Variants in LAD1 observed in about 807,000 individuals in gnomAD.
LAD1 encodes the protein ladinin 1.
In LAD1, 53 loss-of-function variants were observed where a neutral mutation model predicts 54.2. That is an observed-to-expected ratio of 0.98 (90% CI 0.78 to 1.23). The LOEUF (loss-of-function observed/expected upper bound fraction) is 1.23, where lower values mean the gene tolerates loss of function less well. Among genes scored for constraint, LAD1 ranks in the 50% most tolerant of loss-of-function variants. The probability of loss-of-function intolerance (pLI) is 0.00; values close to 1 mark genes in which losing one functional copy is unlikely to be tolerated. For synonymous variants in LAD1, 231 were observed against 257.7 expected (o/e 0.90, Z 0.99); for missense variants, 637 against 653.3 (o/e 0.98, Z 0.27).
intron 1 of LAD1, 85 bp from the exon 2 acceptor site, chr1:201,389,388 A>G: frequency 2.7e-6 from 4 of 1,498,860 alleles, no homozygotes; most frequent in Non-Finnish European, 3.6e-6. Flanking sequence ...GGGAGAAGAG[A>G]CCAAATGCCC....
chr1:201,394,506 C>T (rs1174692402), intron 1 of LAD1, among the ~76,000 whole-genome samples: 2 of 152,212 alleles, frequency 1.3e-5, no homozygotes, highest in Non-Finnish European at 2.9e-5. Context: ...GCCTTGGCCA[C>T]GGAACTTAAA....
In LAD1 at chr1:201,390,456, G is replaced by C. The variant is rs141698880; in HGVS notation, c.39-1153C>G. Among the ~76,000 whole-genome samples, 459 of 152,120 alleles carry C rather than the reference G, an allele frequency of 3.0e-3. 3 individuals carry two copies. The highest frequency in any genetic ancestry group is 9.8e-3 in the African/African-American group (406 of 41,512). ...GGAGGCTGAGGCCAGAGAATTGCTC[G>C]AACCTGGGAGGCAGAGGTTGCAGTG... On this transcript the variant is annotated intron_variant, in intron 1 of 9. Transcript: ENST00000391967.
At chr1:201,398,866 CA>C (rs1558275262) in intron 1 of LAD1, among the ~76,000 whole-genome samples, 1 of 152,212 alleles carries the variant, frequency 6.6e-6, no homozygotes, top group African/African-American at 2.4e-5. Context: ...GGACACCTCC[CA>C]GGGGTCCTCT....
rs1662149432 is a variant in LAD1, at chr1:201,389,140, A to G, written c.182+20T>C. ...AACCAGTCCATCCCCATCCATCAGG[A>G]TAGAAACCTGAGCACCTACCTCTCA... is the stretch of plus-strand genomic sequence containing the variant. On this transcript the variant is annotated intron_variant, in intron 2 of 9. Transcript: ENST00000391967. 4.3e-6 allele frequency: 7 copies of G among 1,611,458 alleles called. No homozygotes were observed. The highest frequency in any genetic ancestry group is 5.9e-6 in the Non-Finnish European group (7 of 1,178,036).
intron 2 of LAD1, among the ~76,000 whole-genome samples, chr1:201,388,820 A>T (rs1383022541): frequency 6.6e-6 from 1 of 152,236 alleles, no homozygotes; most frequent in East Asian, 1.9e-4. Flanking sequence ...TGACCTCAGC[A>T]AGTCACCTAA....
chr1:201,390,691 G>A (rs1018213944), intron 1 of LAD1, among the ~76,000 whole-genome samples: 5 of 152,278 alleles, frequency 3.3e-5, no homozygotes, highest in African/African-American at 9.6e-5. Context: ...TGGATCACAG[G>A]ACGTTTAGCA....
Position 201,381,473 on chromosome 1 carries a change from A to C in LAD1, c.*415T>G, listed in dbSNP as rs1038949372. 1 of 283,962 alleles carries C rather than the reference A, an allele frequency of 3.5e-6. No homozygotes were observed. The highest frequency in any genetic ancestry group is 2.3e-5 in the African/African-American group (1 of 43,766). 17.6% of individuals were successfully genotyped at this position (283,962 alleles called of 1,614,324 possible). ...GGTCCAGGCCTCAGAGAAGGGGGAC[A>C]TCATAGACAAAGAGGCACTTGCTGG... On this transcript the variant is annotated 3_prime_UTR_variant, in exon 10 of 10. Transcript: ENST00000391967.
At chr1:201,385,249 C>T (rs1417701350) in intron 4 of LAD1, among the ~76,000 whole-genome samples, 2 of 152,216 alleles carry the variant, frequency 1.3e-5, no homozygotes, top group African/African-American at 4.8e-5. Context: ...AGAATAAACA[C>T]CAGGACAAAG....
At chr1:201,398,406 C>T (rs1367882818) in intron 1 of LAD1, among the ~76,000 whole-genome samples, 5 of 152,194 alleles carry the variant, frequency 3.3e-5, no homozygotes, top group African/African-American at 1.2e-4. Flanking sequence ...CAGCTCTGGG[C>T]TACCGCAGGA....
intron 1 of LAD1, chr1:201,391,172 G>A (rs1250077122): frequency 2.2e-6 from 1 of 456,390 alleles, no homozygotes; most frequent in South Asian, 1.5e-5. Context: ...CGTGGAAAGA[G>A]TTGAGCCATG....
Position 201,382,709 on chromosome 1 carries a change from A to T in LAD1, c.1417T>A (p.Ser473Thr), listed in dbSNP as rs1661987479. 1 of 1,607,760 alleles carries T rather than the reference A, an allele frequency of 6.2e-7. No homozygotes were observed. The highest frequency in any genetic ancestry group is 1.1e-5 in the South Asian group (1 of 89,310). Residue 473 changes from serine (S) to threonine (T), a missense_variant, in exon 8 of 10, where the codon TCA (serine) becomes ACA (threonine). Ser to Thr is a moderately conservative substitution (Grantham distance 58). Transcript: ENST00000391967. ...CTGCTGATCCACAGGTTGAGCCTTG[A>T]TGTCACAACCCCTGAGAGCCTCAAG... The part of the protein sequence containing the change: ...ENLRLSGVVT[S>T]RLNLWISRTQ...
chr1:201,390,671 A>G (rs1662182327), intron 1 of LAD1, among the ~76,000 whole-genome samples: 1 of 152,214 alleles, frequency 6.6e-6, no homozygotes, highest in Admixed American at 6.5e-5. Context: ...TTGCGTGTCC[A>G]GGGCTGTCCT....
At chr1:201,392,747 CATG>C (rs1662217940) in intron 1 of LAD1, among the ~76,000 whole-genome samples, 1 of 151,724 alleles carries the variant, frequency 6.6e-6, no homozygotes, top group Non-Finnish European at 1.5e-5. Context: ...AGAAAAACAA[CATG>C]ATGGGATCGC....
chr1:201,386,262 C>G, intron 3 of LAD1, 73 bp downstream of exon 3: 2 of 1,363,836 alleles, frequency 1.5e-6, no homozygotes, highest in South Asian at 4.1e-5. Flanking sequence ...CCAGGGACTA[C>G]CTGGGTGGGA....
Position 201,389,227 on chromosome 1 carries a change from A to C in LAD1, c.115T>G (p.Ser39Ala). Residue 39 changes from serine (S) to alanine (A), a missense_variant, in exon 2 of 10, where the codon TCC becomes GCC. By Grantham distance (99) the Ser-to-Ala change is moderately conservative (BLOSUM62 1). Coordinates refer to ENST00000391967, the MANE Select transcript of LAD1 (RefSeq NM_005558.4). ...ERRRRHRNLS[S>A]TTDDEAPRLS... ...CTGGGAGCCTCATCGTCCGTGGTGG[A>C]GCTCAGGTTGCGGTGCCGCCGCCTG... The C allele has an allele frequency of 6.2e-7, 1 of 1,614,146 alleles. No homozygotes were observed. Among genetic ancestry groups the C allele is most frequent in the Non-Finnish European group, 8.5e-7 (1 of 1,180,038 alleles).
At chr1:201,383,830 C>T (rs1368061340) in intron 5 of LAD1, among the ~76,000 whole-genome samples, 1 of 152,048 alleles carries the variant, frequency 6.6e-6, no homozygotes, top group Non-Finnish European at 1.5e-5. Flanking sequence ...GTGATCTGGG[C>T]CCTCCCCTTC....
Position 201,383,459 on chromosome 1 carries a change from CTG to C in LAD1, c.1176-72_1176-71del, listed in dbSNP as rs1662009899. The C allele has an allele frequency of 1.2e-5, 17 of 1,382,992 alleles. No individual in the cohort carries two copies. In the South Asian group the frequency reaches 1.9e-4, roughly 15 times the overall value. The allele number at this position is 1,382,992 out of a possible 1,614,324, so 85.7% of individuals were successfully genotyped here. A position where few individuals can be genotyped will look rare whatever the true frequency, so the allele number is the denominator to read the frequency against. ...GGGAGACCAGGCCTGCCCCCAGGGC[CTG>C]AGGAGCAGCCCCATCACACGTTCTC... On this transcript the variant is annotated intron_variant, in intron 5 of 9. Coordinates refer to ENST00000391967, the MANE Select transcript of LAD1 (RefSeq NM_005558.4).
chr1:201,385,894 G>A (rs1341485272), intron 3 of LAD1, 89 bp from the exon 4 acceptor site: 1 of 914,190 alleles, frequency 1.1e-6, no homozygotes, highest in South Asian at 1.3e-5. Context: ...CCCAGGAGCT[G>A]CAGGAAGAGG....
In LAD1 at chr1:201,381,723, A is replaced by C; in HGVS notation, c.*165T>G. 1.3e-6 allele frequency: 1 copy of C among 765,748 alleles called. No homozygotes were observed. The allele number at this position is 765,748 out of a possible 1,614,324, so 47.4% of individuals were successfully genotyped here. A position where few individuals can be genotyped will look rare whatever the true frequency, so the allele number is the denominator to read the frequency against. ...GGCTGGGCTGGGAAGGAGCTGGCTGAGTCTTGCAAATATTCCTGACCCCAG... is the reference window on the plus strand; with the variant it reads ...GGCTGGGCTGGGAAGGAGCTGGCTGCGTCTTGCAAATATTCCTGACCCCAG... On this transcript the variant is annotated 3_prime_UTR_variant, in exon 10 of 10. Coordinates refer to ENST00000391967, the MANE Select transcript of LAD1 (RefSeq NM_005558.4).
Sources: gnomAD v4.1 joint callset for allele counts (sites outside exome capture counted in the v4.1 genomes callset) on GRCh38, gnomAD v4.1.1 for gene constraint, MANE v1.5 for transcripts, NCBI Gene and HGNC (gene_info 2026-07-23, HGNC 2026-07-21) for gene names.